The following FBN3 variants were observed in gnomAD, a reference collection of about 807,000 sequenced individuals.
The protein encoded by FBN3 is fibrillin 3.
Under a neutral mutation model 330.1 loss-of-function variants are expected in FBN3, and 234 were observed. The observed-to-expected ratio is 0.71, with a 90% CI of 0.64 to 0.79. The LOEUF (loss-of-function observed/expected upper bound fraction) is 0.79, where lower values mean the gene tolerates loss of function less well. Among genes scored for constraint, FBN3 ranks in the 30% least tolerant of loss-of-function variants. FBN3 has a pLI of 0.00. For missense variants in FBN3, 3,606 were observed against 3,886.9 expected, an observed-to-expected ratio of 0.93 and a Z score of 1.92; for synonymous variants, 1,458 against 1,517.3, an observed-to-expected ratio of 0.96 and a Z score of 0.91.
chr19:8,142,957 C>T (rs2083447882), intron 6 of FBN3, among the ~76,000 whole-genome samples: 1 of 151,698 alleles, frequency 6.6e-6, no homozygotes, highest in South Asian at 2.1e-4. Context: ...CCCTCAAACC[C>T]AGGTCACTTC....
chr19:8,066,036 TC>T lies in FBN3; in HGVS notation c.8312del (p.Gly2771GlufsTer8). ...LQLGRRRPGP[G>X]TYRLEVVSHM... ...GGCTCACCACCTCCAGCCGGTAGGT[TC>T]CAGGCCCCGGCCGCCTCCGCCCCAG... On this transcript the variant is annotated frameshift_variant, in exon 64 of 64. Coordinates refer to ENST00000600128, the MANE Select transcript of FBN3 (RefSeq NM_032447.5). LOFTEE classifies it low-confidence loss of function (END_TRUNC). 1 of 1,613,090 alleles carries T rather than the reference TC, an allele frequency of 6.2e-7. No homozygotes were observed. Among genetic ancestry groups the T allele is most frequent in the African/African-American group, 1.3e-5 (1 of 75,056 alleles).
chr19:8,109,691 T>C lies in FBN3; in HGVS notation c.4396A>G (p.Ser1466Gly), dbSNP rs947503320. The C allele has an allele frequency of 4.5e-6, 7 of 1,563,112 alleles. No individual in the cohort carries two copies. The highest frequency in any genetic ancestry group is 6.1e-6 in the Non-Finnish European group (7 of 1,156,758). Residue 1466 changes from serine (S) to glycine (G), a missense_variant, in exon 35 of 64, where the codon AGC (serine) becomes GGC (glycine). By Grantham distance (56) the Ser-to-Gly change is moderately conservative. Coordinates refer to ENST00000600128, the MANE Select transcript of FBN3 (RefSeq NM_032447.5). The surrounding 1 kb of genome is among the most constrained non-coding windows in gnomAD (Gnocchi z 5.2). ...TCCTGGGGGCAGCTGCAGAGGTAGC[T>C]GCCGGGGGTGTTAATGCACACGCCG... ...INGVCINTPG[S>G]YLCSCPQDFE...
At chr19:8,135,160 G>A (rs1021923054) in intron 13 of FBN3, among the ~76,000 whole-genome samples, 5 of 151,382 alleles carry the variant, frequency 3.3e-5, no homozygotes, top group African/African-American at 1.2e-4. Flanking sequence ...TGGGTTTTCT[G>A]TAGAGACAGG....
intron 8 of FBN3, among the ~76,000 whole-genome samples, chr19:8,138,910 G>C (rs1382447042): frequency 1.3e-5 from 2 of 152,102 alleles, no homozygotes; most frequent in Admixed American, 6.6e-5. Context: ...AGCCAAGGGT[G>C]GTGGCAGGCA....
chr19:8,148,262 C>T (rs75145101), intron 1 of FBN3, among the ~76,000 whole-genome samples: 3,108 of 152,272 alleles, frequency 0.02, 111 homozygotes, highest in African/African-American at 0.068. Flanking sequence ...CATCACACCT[C>T]CTCCAGGAAG....
intron 5 of FBN3, among the ~76,000 whole-genome samples, chr19:8,145,290 T>G (rs547049626): frequency 6.7e-6 from 1 of 149,968 alleles, no homozygotes; most frequent in African/African-American, 2.5e-5. Context: ...AGAAGAATTG[T>G]TCAAACCTGG....
At chr19:8,090,800 G>A (rs1351294936) in intron 48 of FBN3, among the ~76,000 whole-genome samples, 1 of 152,052 alleles carries the variant, frequency 6.6e-6, no homozygotes, top group Non-Finnish European at 1.5e-5. Flanking sequence ...GGGGTTTTGA[G>A]GGGACAGCTG....
chr19:8,070,642 C>G (rs73003701), intron 63 of FBN3, among the ~76,000 whole-genome samples: 20,595 of 152,228 alleles, frequency 0.14, 1,555 homozygotes, highest in South Asian at 0.17. Flanking sequence ...CATGGAATCT[C>G]TGAACCACCA....
rs145562828 is a variant in FBN3 at position 8,138,522 on chromosome 19, C to A, written c.908G>T (p.Arg303Leu). ...GTGGCCGGCGAGGTCTCCAGCACAG[C>A]GGCCCCCGAAAAGCACTGAGAAGCA... ...GACFSVLFGG[R>L]CAGDLAGHYT... Residue 303 changes from arginine to leucine, a missense_variant, in exon 9 of 64, where the codon CGC becomes CTC. Physicochemically the swap from Arg to Leu is moderately radical, Grantham distance 102. Coordinates refer to ENST00000600128, the MANE Select transcript of FBN3 (RefSeq NM_032447.5). 1.9e-6 allele frequency: 3 copies of A among 1,612,246 alleles called. No homozygotes were observed. Among genetic ancestry groups the A allele is most frequent in the Non-Finnish European group, 2.5e-6 (3 of 1,179,870 alleles).
At chr19:8,101,608 G>A (rs1291559302) in intron 40 of FBN3, among the ~76,000 whole-genome samples, 1 of 152,072 alleles carries the variant, frequency 6.6e-6, no homozygotes, top group Non-Finnish European at 1.5e-5. Flanking sequence ...GGAGGTCTAT[G>A]GTATCTCTAA....
chr19:8,071,022 C>CAAAA (rs34381445), intron 63 of FBN3, among the ~76,000 whole-genome samples: 9 of 96,098 alleles, frequency 9.4e-5, no homozygotes, highest in Non-Finnish European at 1.2e-4. Context: ...GACTCTGTCT[C>CAAAA]AAAAAAAAAA....
chr19:8,090,129 G>C lies in FBN3; in HGVS notation c.6154C>G (p.Pro2052Ala). 1 of 1,614,030 alleles carries C rather than the reference G, an allele frequency of 6.2e-7. No individual in the cohort carries two copies. The highest frequency in any genetic ancestry group is 8.5e-7 in the Non-Finnish European group (1 of 1,179,968). Residue 2052 changes from proline (P) to alanine (A), a missense_variant, in exon 49 of 64, where the codon CCC (proline) becomes GCC (alanine). By Grantham distance (27) the Pro-to-Ala change is conservative. Coordinates refer to ENST00000600128, the MANE Select transcript of FBN3 (RefSeq NM_032447.5). ...SKRPGEGWGD[P>A]CELCPQEGSA... ...CCCTCCTGGGGACACAGTTCGCAGG[G>C]GTCTCCCCAGCCCTCCCCAGGCCTC...
chr19:8,076,411 G>A (rs938121342), intron 59 of FBN3, among the ~76,000 whole-genome samples: 4 of 152,096 alleles, frequency 2.6e-5, no homozygotes, highest in East Asian at 1.9e-4. Context: ...GGGAGCCTCC[G>A]GATCACCTGA....
intron 5 of FBN3, 114 bp from the exon 6 acceptor site, chr19:8,145,086 G>C: frequency 1.0e-6 from 1 of 953,784 alleles, no homozygotes; most frequent in Non-Finnish European, 1.6e-6. Flanking sequence ...GGTTGAATAA[G>C]ACTGAGGCTG....
chr19:8,135,936 G>GGGGGGGGGGGGGGGGCCCCCC, intron 13 of FBN3, 25 bp downstream of exon 13: 48 of 668,674 alleles, frequency 7.2e-5, no homozygotes, highest in Non-Finnish European at 8.2e-5. Flanking sequence ...GGAAGCCCCT[G>GGGGGGGGGGGGGGGGCCCCCC]CCCACCCGCC....
At position 8,129,151 on chromosome 19, in the gene FBN3, C is replaced by T. The variant is rs745671379; in HGVS notation, c.2173G>A (p.Val725Met). The T allele has an allele frequency of 4.4e-6, 7 of 1,578,758 alleles. No individual in the cohort carries two copies. The highest frequency in any genetic ancestry group is 2.3e-5 in the East Asian group (1 of 42,844). ...AGASGKDCTD[V>M]DECALNSLLC... ...AGGCTGTTGAGGGCACACTCATCCA[C>T]GTCTGTGGGGTGGGGGTGGGAGAGA... Residue 725 changes from valine to methionine, a missense_variant and splice_region_variant, in exon 18 of 64, where the codon GTG (valine) becomes ATG (methionine). Val to Met is a conservative substitution (Grantham distance 21, BLOSUM62 1). Coordinates refer to ENST00000600128, the MANE Select transcript of FBN3 (RefSeq NM_032447.5). The surrounding 1 kb of genome is among the most constrained non-coding windows in gnomAD (Gnocchi z 4.5).
rs1413605360 is a variant in FBN3 at position 8,136,377 on chromosome 19, C to A, written c.1345+11G>T. 6.2e-7 allele frequency: 1 copy of A among 1,611,318 alleles called. No individual in the cohort carries two copies. The highest frequency in any genetic ancestry group is 8.5e-7 in the Non-Finnish European group (1 of 1,178,020). The stretch of plus-strand genomic sequence containing the variant: ...GAGAACCGCCCCCCCTTCCACCTGG[C>A]CGCGGCTCACCAATGCACTCGCCGC... On this transcript the variant is annotated intron_variant, in intron 11 of 63. Coordinates refer to ENST00000600128, the MANE Select transcript of FBN3 (RefSeq NM_032447.5).
intron 18 of FBN3, among the ~76,000 whole-genome samples, chr19:8,128,067 G>A (rs1010908642): frequency 7.2e-5 from 11 of 152,190 alleles, no homozygotes; most frequent in African/African-American, 2.4e-4. Flanking sequence ...AGAGATGCAC[G>A]GTGCAGGGTA....
chr19:8,095,827 A>T, intron 45 of FBN3, 137 bp downstream of exon 45: 4 of 609,932 alleles, frequency 6.6e-6, no homozygotes. Context: ...TGACCTATGG[A>T]TTATTTAGGA....
Sources: allele counts gnomAD v4.1 joint callset (sites outside exome capture counted in the v4.1 genomes callset), GRCh38; gene constraint gnomAD v4.1.1; non-coding constraint Gnocchi (gnomAD v3.1); transcripts MANE v1.5; gene names NCBI Gene and HGNC (gene_info 2026-07-23, HGNC 2026-07-21).